Variants in NFIA observed in about 807,000 individuals in gnomAD.
The protein encoded by NFIA is nuclear factor I A.
NFIA carries 8 observed loss-of-function variants against 62.8 expected under a neutral mutation model. That is an observed-to-expected ratio of 0.13 (90% confidence interval 0.07 to 0.23). The LOEUF is 0.23. Among genes scored for constraint, NFIA ranks in the 10% least tolerant of loss-of-function variants. The pLI, the probability that NFIA is intolerant of heterozygous loss-of-function variation, is 1.00. For missense variants in NFIA, 410 were observed against 642.1 expected (o/e 0.64, Z 3.91); for synonymous variants, 235 against 238.1 (o/e 0.99, Z 0.12).
intron 2 of NFIA, among the ~76,000 whole-genome samples, chr1:61,239,595 GTGTT>G (rs1276684760): frequency 1.3e-5 from 2 of 152,134 alleles, no homozygotes; most frequent in Non-Finnish European, 2.9e-5. Flanking sequence ...TGATAAAATT[GTGTT>G]TGTAAGGTGG....
chr1:61,115,798 C>T (rs1467093013), intron 2 of NFIA, among the ~76,000 whole-genome samples: 4 of 152,222 alleles, frequency 2.6e-5, no homozygotes, highest in Admixed American at 2.6e-4. Flanking sequence ...AGAAGGTCCA[C>T]ATATGGTGCC....
chr1:61,294,326 G>T (rs1017044504), intron 3 of NFIA, among the ~76,000 whole-genome samples: 5 of 152,218 alleles, frequency 3.3e-5, no homozygotes, highest in Non-Finnish European at 5.9e-5. Flanking sequence ...ATGAAGCACA[G>T]AAAAGTAAAG....
intron 2 of NFIA, among the ~76,000 whole-genome samples, chr1:61,157,337 G>C (rs1315360173): frequency 1.3e-5 from 2 of 152,028 alleles, no homozygotes; most frequent in South Asian, 2.1e-4. Flanking sequence ...CTGCAAAAGA[G>C]AGCAGAACTG....
rs553429366 is a variant in NFIA, at chr1:61,197,104, G to A, written c.560-80416G>A. On this transcript the variant is annotated intron_variant, in intron 2 of 10. Transcript: ENST00000403491. ...GTGATAGCAGTATTCGGAATGCAAC[G>A]AAGAGATAAGAGTTTGGACCCCATA... Among the ~76,000 whole-genome samples the A allele has an allele frequency of 5.9e-5, 9 of 152,186 alleles. No homozygotes were observed. In the South Asian group the frequency reaches 1.2e-3, roughly 21 times the overall value.
At chr1:61,359,015 T>C in intron 5 of NFIA, 132 bp from the exon 6 acceptor site, 4 of 1,295,374 alleles carry the variant, frequency 3.1e-6, no homozygotes, top group Non-Finnish European at 4.3e-6. Context: ...AACAGAAGTT[T>C]AAAAGGAGTC....
At chr1:61,368,049 G>A (rs1569639424) in intron 6 of NFIA, among the ~76,000 whole-genome samples, 2 of 152,176 alleles carry the variant, frequency 1.3e-5, no homozygotes, top group East Asian at 1.9e-4. Context: ...CGCTTGCATC[G>A]GAGAACCCAG....
intron 2 of NFIA, among the ~76,000 whole-genome samples, chr1:61,117,969 A>G (rs1294773328): frequency 1.3e-5 from 2 of 152,140 alleles, no homozygotes; most frequent in African/African-American, 2.4e-5. Context: ...GGATTGCCTG[A>G]GATCAGGAGT....
rs375089315 is a variant in NFIA at position 61,415,502 on chromosome 1, A to C, written c.1420+8775A>C. ...TTAGTAAGAGAAAGACCAACAATCC[A>C]ATAGAAAGACAAGAAAGGGATATAA... On this transcript the variant is annotated intron_variant, in intron 9 of 10. Transcript: ENST00000403491. Among the ~76,000 whole-genome samples the C allele has an allele frequency of 2.6e-5, 4 of 152,190 alleles. No homozygotes were observed. In the South Asian group the frequency reaches 8.3e-4, roughly 31 times the overall value.
At chr1:61,310,813 A>T (rs1040660501) in intron 3 of NFIA, among the ~76,000 whole-genome samples, 4 of 82,098 alleles carry the variant, frequency 4.9e-5, no homozygotes, top group Non-Finnish European at 9.4e-5. Flanking sequence ...TTTCCTGTAT[A>T]TCCTCTCTGA....
intron 4 of NFIA, among the ~76,000 whole-genome samples, chr1:61,336,401 T>C (rs1336672552): frequency 3.3e-5 from 5 of 152,210 alleles, no homozygotes; most frequent in Non-Finnish European, 4.4e-5. Flanking sequence ...TTTACAGTTT[T>C]AGGTTAACAG....
intron 2 of NFIA, among the ~76,000 whole-genome samples, chr1:61,189,914 A>G (rs924197448): frequency 3.9e-5 from 6 of 152,282 alleles, no homozygotes; most frequent in African/African-American, 1.4e-4. Context: ...GATCTGGGGA[A>G]CTTTAGTTCA....
At chr1:61,232,712 A>G (rs2100633703) in intron 2 of NFIA, among the ~76,000 whole-genome samples, 1 of 152,266 alleles carries the variant, frequency 6.6e-6, no homozygotes, top group East Asian at 1.9e-4. Flanking sequence ...TTTTTAAAAA[A>G]CATCTTCCTT....
chr1:61,164,846 T>C (rs1040648773), intron 2 of NFIA, among the ~76,000 whole-genome samples: 2 of 152,114 alleles, frequency 1.3e-5, no homozygotes, highest in Admixed American at 6.5e-5. Flanking sequence ...ACAGTTGCTG[T>C]CTGGCACAGC....
intron 2 of NFIA, among the ~76,000 whole-genome samples, chr1:61,098,331 T>A (rs2100431279): frequency 6.6e-6 from 1 of 152,354 alleles, no homozygotes; most frequent in African/African-American, 2.4e-5. Context: ...AGATTCTAGA[T>A]AAGAACTTGG....
Position 61,421,459 on chromosome 1 carries a change from G to A in NFIA, c.1421-5006G>A, listed in dbSNP as rs569119095. On this transcript the variant is annotated intron_variant, in intron 9 of 10. Transcript: ENST00000403491. The stretch of plus-strand genomic sequence containing the variant: ...GAGGGGGTGAATGTTTGCTACTTCC[G>A]TATATTTGGAGTATTTGATAAAACA... Among the ~76,000 whole-genome samples the A allele has an allele frequency of 2.0e-4, 30 of 152,290 alleles. No individual in the cohort carries two copies. In the South Asian group the frequency reaches 3.5e-3, roughly 18 times the overall value.
At chr1:61,142,755 G>T (rs915728169) in intron 2 of NFIA, among the ~76,000 whole-genome samples, 1 of 152,220 alleles carries the variant, frequency 6.6e-6, no homozygotes, top group African/African-American at 2.4e-5. Context: ...TTTACAAGAT[G>T]TGTTGCCTTT....
At chr1:61,364,272 T>TCA (rs1663467076) in intron 6 of NFIA, among the ~76,000 whole-genome samples, 1 of 152,136 alleles carries the variant, frequency 6.6e-6, no homozygotes, top group South Asian at 2.1e-4. Context: ...TTGTCTGTTT[T>TCA]CTCTCTCTAG....
intron 3 of NFIA, among the ~76,000 whole-genome samples, chr1:61,285,794 T>C (rs1309481220): frequency 6.6e-6 from 1 of 152,160 alleles, no homozygotes; most frequent in Non-Finnish European, 1.5e-5. Context: ...ACAGGCATCA[T>C]ATGGTGAATA....
intron 5 of NFIA, among the ~76,000 whole-genome samples, chr1:61,358,379 CTTTTTTTT>C (rs34853369): frequency 6.8e-4 from 36 of 52,616 alleles, no homozygotes; most frequent in African/African-American, 2.7e-3. Context: ...TTCTTTCTTT[CTTTTTTTT>C]TTTTTTTTTT....
Sources: allele counts gnomAD v4.1 joint callset (sites outside exome capture counted in the v4.1 genomes callset), GRCh38; gene constraint gnomAD v4.1.1; transcripts MANE v1.5; gene names NCBI Gene and HGNC (gene_info 2026-07-23, HGNC 2026-07-21).